The following SLA2 variants were observed in gnomAD, a reference collection of about 807,000 sequenced individuals.
The protein encoded by SLA2 is Src like adaptor 2.
SLA2 carries 22 observed loss-of-function variants against 27.3 expected under a neutral mutation model. The observed-to-expected ratio is 0.81, with a 90% CI of 0.58 to 1.15. The LOEUF is 1.15. SLA2 is among the 50% of genes most tolerant of loss of function. The pLI is 0.00. For synonymous variants in SLA2, 131 were observed against 137.8 expected (o/e 0.95, Z 0.34); for missense variants, 304 against 322.2 (o/e 0.94, Z 0.43).
intron 2 of SLA2, among the ~76,000 whole-genome samples, chr20:36,640,610 G>A (rs2039497232): frequency 6.6e-6 from 1 of 151,008 alleles, no homozygotes; most frequent in Non-Finnish European, 1.5e-5. Context: ...TCTGCCTCCC[G>A]GGTTCAAGTG....
chr20:36,630,599 A>G (rs1358385593), intron 5 of SLA2, among the ~76,000 whole-genome samples: 2 of 152,170 alleles, frequency 1.3e-5, no homozygotes. Flanking sequence ...CCCCAGGCAA[A>G]TTATTTCTCT....
chr20:36,643,701 C>G (rs1287280026), intron 1 of SLA2, among the ~76,000 whole-genome samples: 1 of 152,160 alleles, frequency 6.6e-6, no homozygotes, highest in East Asian at 1.9e-4. Context: ...CCTGTAATCC[C>G]AGCACTTTGG....
chr20:36,618,717 C>T (rs1452276542), intron 5 of SLA2, among the ~76,000 whole-genome samples: 1 of 151,216 alleles, frequency 6.6e-6, no homozygotes, highest in Non-Finnish European at 1.5e-5. Context: ...ACCAGCCTGA[C>T]CAACAAGGCA....
At chr20:36,643,256 A>G (rs1452146997) in intron 1 of SLA2, among the ~76,000 whole-genome samples, 1 of 152,152 alleles carries the variant, frequency 6.6e-6, no homozygotes, top group Non-Finnish European at 1.5e-5. Context: ...TTTTCCAAAC[A>G]CTATTTTAAA....
chr20:36,643,352 T>C (rs940707131), intron 1 of SLA2, among the ~76,000 whole-genome samples: 3 of 152,178 alleles, frequency 2.0e-5, no homozygotes, highest in African/African-American at 7.2e-5. Context: ...AGTTACACAA[T>C]TGGCCCAGTT....
chr20:36,637,927 C>T (rs370618956), intron 2 of SLA2, among the ~76,000 whole-genome samples: 5 of 118,608 alleles, frequency 4.2e-5, no homozygotes, highest in East Asian at 2.5e-4. Flanking sequence ...CTCACACTGT[C>T]GCCCGGGCTG....
At chr20:36,627,310 T>A (rs1369999655) in intron 5 of SLA2, among the ~76,000 whole-genome samples, 2 of 152,116 alleles carry the variant, frequency 1.3e-5, no homozygotes, top group Non-Finnish European at 2.9e-5. Flanking sequence ...TGGGGTCAGG[T>A]ATTCCAGTGA....
rs952471437 is a variant in SLA2 at position 36,613,585 on chromosome 20, A to AC, written c.*280dup. ...CAAACTCAAGAACTAACTAGGTCAG[A>AC]CCCCCCAGGAGGCTTATTCTCTTTT... On this transcript the variant is annotated 3_prime_UTR_variant, in exon 8 of 8. Transcript: ENST00000262866. 1.7e-4 allele frequency: 56 copies of AC among 320,000 alleles called. No individual in the cohort carries two copies. The highest frequency in any genetic ancestry group is 3.1e-4 in the Non-Finnish European group (53 of 173,264). 19.8% of individuals were successfully genotyped at this position (320,000 alleles called of 1,614,324 possible).
At chr20:36,620,039 A>G (rs1237150801) in intron 5 of SLA2, among the ~76,000 whole-genome samples, 1 of 151,400 alleles carries the variant, frequency 6.6e-6, no homozygotes, top group Non-Finnish European at 1.5e-5. Context: ...AGGCAGAGGC[A>G]ATTATTATGC....
Position 36,634,498 on chromosome 20 carries a change from GATGGTCA to G in SLA2, c.176_182del (p.Leu59SerfsTer39). The G allele has an allele frequency of 6.2e-7, 1 of 1,608,404 alleles. No homozygotes were observed. ...AGTGCCCATGGACTTACTCAGAGAC[GATGGTCA>G]ATGGCTCCCCGAGTCTCAGCGACAG... is the stretch of plus-strand genomic sequence containing the variant. On this transcript the variant is annotated frameshift_variant, in exon 3 of 8. Coordinates refer to ENST00000262866, the MANE Select transcript of SLA2 (RefSeq NM_032214.4). LOFTEE classifies it high-confidence loss of function.
intron 2 of SLA2, among the ~76,000 whole-genome samples, chr20:36,637,225 C>T (rs140169895): frequency 0.015 from 1,705 of 112,856 alleles, 49 homozygotes; most frequent in African/African-American, 0.058. Context: ...TTTTTGGAGA[C>T]GGAGTCTCGC....
At chr20:36,636,930 A>G (rs1226215329) in intron 2 of SLA2, among the ~76,000 whole-genome samples, 13 of 151,824 alleles carry the variant, frequency 8.6e-5, no homozygotes, top group Admixed American at 7.9e-4. Context: ...CAGCATGGGC[A>G]ACACAGCAAG....
intron 5 of SLA2, among the ~76,000 whole-genome samples, chr20:36,624,698 T>C (rs2039319213): frequency 6.6e-6 from 1 of 152,240 alleles, no homozygotes; most frequent in Non-Finnish European, 1.5e-5. Context: ...ACAGATGGTG[T>C]TGGGAATGAT....
At chr20:36,614,753 C>G in intron 6 of SLA2, 1 of 985,408 alleles carries the variant, frequency 1.0e-6, no homozygotes, top group Non-Finnish European at 1.2e-6. Context: ...CTGTCTACTT[C>G]CACACAGAGT....
At chr20:36,644,040 C>G (rs1978285763) in intron 1 of SLA2, among the ~76,000 whole-genome samples, 1 of 151,994 alleles carries the variant, frequency 6.6e-6, no homozygotes, top group Non-Finnish European at 1.5e-5. Context: ...CTCTTGAACA[C>G]AGAATGGGCA....
At chr20:36,636,771 A>G (rs2039454479) in intron 2 of SLA2, among the ~76,000 whole-genome samples, 1 of 151,244 alleles carries the variant, frequency 6.6e-6, no homozygotes, top group South Asian at 2.1e-4. Context: ...AACATGGTGA[A>G]ACCCCGTCTC....
chr20:36,631,845 A>C (rs1266796739), intron 5 of SLA2, among the ~76,000 whole-genome samples: 2 of 152,192 alleles, frequency 1.3e-5, no homozygotes, highest in Admixed American at 6.5e-5. Context: ...TTGCTGAATG[A>C]ATGAACATGG....
rs530158144 is a variant in SLA2, at chr20:36,641,752, C to T, written c.-43-374G>A. On this transcript the variant is annotated intron_variant, in intron 1 of 7. Transcript: ENST00000262866. ...CACTCCTTTGAATTCCTATGGCTCACTTAGAACCCTTTCTCTGACCCGGGA... is the reference window on the plus strand; with the variant it reads ...CACTCCTTTGAATTCCTATGGCTCATTTAGAACCCTTTCTCTGACCCGGGA... Among the ~76,000 whole-genome samples the T allele has an allele frequency of 1.3e-3, 202 of 152,166 alleles. 4 individuals are homozygous for T. The South Asian group carries it at 0.016, about 12-fold the overall frequency.
At chr20:36,627,664 T>C (rs901842181) in intron 5 of SLA2, among the ~76,000 whole-genome samples, 1 of 152,230 alleles carries the variant, frequency 6.6e-6, no homozygotes, top group African/African-American at 2.4e-5. Context: ...TCCCTAACCC[T>C]GTGCTGACCT....
Sources: gnomAD v4.1 joint callset for allele counts (sites outside exome capture counted in the v4.1 genomes callset) on GRCh38, gnomAD v4.1.1 for gene constraint, MANE v1.5 for transcripts, NCBI Gene and HGNC (gene_info 2026-07-23, HGNC 2026-07-21) for gene names.